The following TSC22D1 variants were observed in gnomAD, a reference collection of about 807,000 sequenced individuals.
TSC22D1 encodes the protein TSC22 domain family member 1.
Under a neutral mutation model 74.2 loss-of-function variants are expected in TSC22D1, and 9 were observed. That is an observed-to-expected ratio of 0.12 (90% CI 0.07 to 0.21). The LOEUF (loss-of-function observed/expected upper bound fraction) is 0.21. Ranked by LOEUF, TSC22D1 falls within the 10% of genes least tolerant of loss-of-function variation. TSC22D1 has a pLI of 1.00. For synonymous variants in TSC22D1, 586 were observed against 492.5 expected, an observed-to-expected ratio of 1.19 and a Z score of -2.51; for missense variants, 1,427 against 1,304.7, an observed-to-expected ratio of 1.09 and a Z score of -1.44.
chr13:44,454,340 G>A (rs1876389290), intron 1 of TSC22D1, among the ~76,000 whole-genome samples: 1 of 152,050 alleles, frequency 6.6e-6, no homozygotes. Flanking sequence ...GGAACAGAAA[G>A]TATTTTTTTA....
chr13:44,456,044 C>G (rs1175944364), intron 1 of TSC22D1, among the ~76,000 whole-genome samples: 2 of 152,134 alleles, frequency 1.3e-5, no homozygotes, highest in Non-Finnish European at 2.9e-5. Flanking sequence ...CAATCTTACT[C>G]AACTGAATAA....
At chr13:44,528,788 C>T (rs1213993248) in intron 1 of TSC22D1, among the ~76,000 whole-genome samples, 1 of 151,890 alleles carries the variant, frequency 6.6e-6, no homozygotes, top group Admixed American at 6.6e-5. Flanking sequence ...AAAAATAATA[C>T]CACAAATCAA....
chr13:44,503,370 A>G (rs1879300698), intron 1 of TSC22D1, among the ~76,000 whole-genome samples: 1 of 152,208 alleles, frequency 6.6e-6, no homozygotes, highest in Admixed American at 6.5e-5. Context: ...GTTAAAGACG[A>G]AAGTCTCCAG....
chr13:44,461,721 G>A (rs963932866), intron 1 of TSC22D1, among the ~76,000 whole-genome samples: 7 of 152,074 alleles, frequency 4.6e-5, no homozygotes, highest in African/African-American at 1.7e-4. Context: ...CTCATTCAGA[G>A]ATCTTCTAAT....
intron 1 of TSC22D1, among the ~76,000 whole-genome samples, chr13:44,572,236 T>C (rs1368512559): frequency 1.3e-5 from 2 of 152,230 alleles, no homozygotes; most frequent in African/African-American, 4.8e-5. Context: ...ACAACTTTTT[T>C]AGCCAGTCAG....
chr13:44,489,614 C>T (rs188636591), intron 1 of TSC22D1, among the ~76,000 whole-genome samples: 20 of 151,898 alleles, frequency 1.3e-4, no homozygotes, highest in African/African-American at 4.6e-4. Flanking sequence ...TTGTTTCAGG[C>T]CAGGAATTCC....
chr13:44,456,096 T>G (rs1020079565), intron 1 of TSC22D1, among the ~76,000 whole-genome samples: 1 of 152,192 alleles, frequency 6.6e-6, no homozygotes, highest in South Asian at 2.1e-4. Flanking sequence ...CCGTGGGTTG[T>G]TGGTCTCGCT....
At chr13:44,468,840 T>C (rs946442247) in intron 1 of TSC22D1, among the ~76,000 whole-genome samples, 2 of 149,822 alleles carry the variant, frequency 1.3e-5, no homozygotes, top group African/African-American at 4.9e-5. Flanking sequence ...ATGTCTAAGT[T>C]TGCTGTTTCT....
chr13:44,541,997 T>C (rs1007483312), intron 1 of TSC22D1, among the ~76,000 whole-genome samples: 3 of 152,120 alleles, frequency 2.0e-5, no homozygotes, highest in Non-Finnish European at 2.9e-5. Context: ...CTTTTTCATA[T>C]AGTAATAGCT....
intron 1 of TSC22D1, among the ~76,000 whole-genome samples, chr13:44,520,138 GGT>G (rs981666587): frequency 6.6e-6 from 1 of 152,164 alleles, no homozygotes; most frequent in Non-Finnish European, 1.5e-5. Context: ...TTCAATCTGT[GGT>G]ATTGGTAGAA....
At chr13:44,447,840 T>C (rs1875812917) in intron 1 of TSC22D1, among the ~76,000 whole-genome samples, 1 of 149,348 alleles carries the variant, frequency 6.7e-6, no homozygotes, top group Non-Finnish European at 1.5e-5. Flanking sequence ...TTTCTTTTTT[T>C]TTTTTTTTTT....
chr13:44,552,974 C>T (rs1345497529), intron 1 of TSC22D1, among the ~76,000 whole-genome samples: 1 of 151,960 alleles, frequency 6.6e-6, no homozygotes, highest in African/African-American at 2.4e-5. Flanking sequence ...GGCGACATAG[C>T]GCGACTCCAT....
intron 1 of TSC22D1, among the ~76,000 whole-genome samples, chr13:44,547,260 T>C (rs1366685892): frequency 6.6e-6 from 1 of 152,138 alleles, no homozygotes; most frequent in Non-Finnish European, 1.5e-5. Context: ...AAGCTAATCC[T>C]AATGGAAATG....
intron 1 of TSC22D1, among the ~76,000 whole-genome samples, chr13:44,454,107 G>A (rs1048874339): frequency 6.6e-6 from 1 of 152,114 alleles, no homozygotes; most frequent in Non-Finnish European, 1.5e-5. Flanking sequence ...GGGTAATGCT[G>A]CACAAACACA....
intron 1 of TSC22D1, among the ~76,000 whole-genome samples, chr13:44,448,048 T>C (rs1217518348): frequency 6.6e-6 from 1 of 152,070 alleles, no homozygotes; most frequent in Non-Finnish European, 1.5e-5. Flanking sequence ...TAGTGGTAGA[T>C]TATGAAAATC....
intron 1 of TSC22D1, among the ~76,000 whole-genome samples, chr13:44,551,873 C>T (rs1237830878): frequency 2.0e-5 from 3 of 152,102 alleles, no homozygotes; most frequent in African/African-American, 7.2e-5. Flanking sequence ...TACACTCTAG[C>T]CTGGGCAACA....
intron 1 of TSC22D1, among the ~76,000 whole-genome samples, chr13:44,466,201 G>A (rs956193861): frequency 1.4e-4 from 22 of 152,116 alleles, no homozygotes; most frequent in African/African-American, 4.1e-4. Flanking sequence ...TAGGATTTAC[G>A]ATCCTCAAGA....
At chr13:44,545,217 C>T (rs982098061) in intron 1 of TSC22D1, among the ~76,000 whole-genome samples, 4 of 151,980 alleles carry the variant, frequency 2.6e-5, no homozygotes, top group African/African-American at 9.7e-5. Flanking sequence ...CGCCTGTAGT[C>T]CCAGCTACGT....
Position 44,573,557 on chromosome 13 carries a change from C to T in TSC22D1, c.2518G>A (p.Gly840Ser), listed in dbSNP as rs780411519. The T allele has an allele frequency of 5.6e-6, 9 of 1,614,080 alleles. No homozygotes were observed. Among genetic ancestry groups the T allele is most frequent in the Non-Finnish European group, 7.6e-6 (9 of 1,180,048 alleles). The part of the protein sequence containing the change: ...ISVTSQVSST[G>S]PSGMPSAPTN... Reference sequence around the variant, plus strand: ...GGGGCAGAAGGCATTCCAGAAGGACCAGTTGAACTAACCTGACTTGTAACA... The same window carrying T: ...GGGGCAGAAGGCATTCCAGAAGGACTAGTTGAACTAACCTGACTTGTAACA... Residue 840 changes from glycine to serine, a missense_variant, in exon 1 of 3, where the codon GGT becomes AGT. Gly to Ser is a moderately conservative substitution (Grantham distance 56). This residue lies in a region of TSC22D1 where 1,343 missense variants were observed against 1,191.5 expected (regional missense o/e 1.13). Coordinates refer to ENST00000458659, the MANE Select transcript of TSC22D1 (RefSeq NM_183422.4).
Sources: gnomAD v4.1 joint callset for allele counts (sites outside exome capture counted in the v4.1 genomes callset) on GRCh38, gnomAD v4.1.1 for gene constraint, gnomAD v4.1.1 regional missense constraint, MANE v1.5 for transcripts, NCBI Gene and HGNC (gene_info 2026-07-23, HGNC 2026-07-21) for gene names.